INPP4A: variants seen among roughly 807,000 people sequenced by gnomAD.
INPP4A encodes inositol polyphosphate-4-phosphatase, type I, 107kD.
INPP4A carries 33 observed loss-of-function variants against 119.8 expected under a neutral mutation model. The observed-to-expected ratio is 0.28, with a 90% CI of 0.21 to 0.37. The LOEUF is 0.37. Ranked by LOEUF, INPP4A falls within the 10% of genes least tolerant of loss-of-function variation. The pLI is 1.00. For synonymous variants in INPP4A, 496 were observed against 500.7 expected, an observed-to-expected ratio of 0.99 and a Z score of 0.12; for missense variants, 956 against 1,289.9, an observed-to-expected ratio of 0.74 and a Z score of 3.97.
At chr2:98,512,926 C>T (rs1424102806) in intron 1 of INPP4A, among the ~76,000 whole-genome samples, 3 of 152,174 alleles carry the variant, frequency 2.0e-5, no homozygotes, top group African/African-American at 7.2e-5. Flanking sequence ...TAGTTAATAC[C>T]TGGGCCTTTG....
chr2:98,563,548 A>G lies in INPP4A; in HGVS notation c.1939A>G (p.Met647Val). Residue 647 changes from methionine (M) to valine (V), a missense_variant, in exon 18 of 25, where the codon ATG (methionine) becomes GTG (valine). This residue lies in a region of INPP4A where 304 missense variants were observed against 492.1 expected (regional missense o/e 0.62). Coordinates refer to ENST00000409851, the MANE Select transcript of INPP4A (RefSeq NM_001134225.2). ...GATGAGTGACAAGGCCAAGAAGGCC[A>G]TGGTATTCCTGCTCATGCAGGACAG... is the stretch of plus-strand genomic sequence containing the variant. ...AMMSDKAKKA[M>V]VFLLMQDSAP... The G allele has an allele frequency of 6.2e-7, 1 of 1,613,992 alleles. No individual in the cohort carries two copies.
intron 13 of INPP4A, among the ~76,000 whole-genome samples, chr2:98,548,789 A>G (rs144664741): frequency 1.8e-4 from 27 of 152,318 alleles, no homozygotes; most frequent in African/African-American, 6.3e-4. Flanking sequence ...GCTCTAAGGA[A>G]TAAGCACATT....
chr2:98,499,880 G>A (rs560131745), intron 1 of INPP4A, among the ~76,000 whole-genome samples: 1 of 152,294 alleles, frequency 6.6e-6, no homozygotes, highest in African/African-American at 2.4e-5. Flanking sequence ...GTAGGGGAGG[G>A]TGCAAGTGTC....
intron 21 of INPP4A, 73 bp from the exon 22 acceptor site, chr2:98,568,498 T>G: frequency 1.4e-6 from 1 of 716,546 alleles, no homozygotes; most frequent in Non-Finnish European, 2.5e-6. Flanking sequence ...CATAGTTAGC[T>G]TCCATGCAGT....
intron 13 of INPP4A, among the ~76,000 whole-genome samples, chr2:98,550,290 G>A (rs1218142768): frequency 6.6e-6 from 1 of 152,106 alleles, no homozygotes; most frequent in East Asian, 1.9e-4. Context: ...GTCCCTGCCT[G>A]GAGACTGTGA....
chr2:98,565,807 T>C (rs1696329986), intron 20 of INPP4A, 41 bp downstream of exon 20: 2 of 1,594,762 alleles, frequency 1.3e-6, no homozygotes, highest in South Asian at 2.3e-5. Context: ...AGAGAGCGGT[T>C]TTCATTTTTG....
intron 1 of INPP4A, among the ~76,000 whole-genome samples, chr2:98,498,368 T>C (rs112036034): frequency 0.028 from 4,334 of 152,200 alleles, 226 homozygotes; most frequent in African/African-American, 0.099. Flanking sequence ...CGATGTAAGA[T>C]GTGCCTTTTG....
chr2:98,501,972 C>T lies in INPP4A; in HGVS notation c.-165-16992C>T, dbSNP rs149644455. On this transcript the variant is annotated intron_variant, in intron 1 of 24. Coordinates refer to ENST00000409851, the MANE Select transcript of INPP4A (RefSeq NM_001134225.2). ...CCTGTGCAGGTTTCTCTGACTGATC[C>T]TGTGGGTATCTATGACCTCAGTTAT... is the stretch of plus-strand genomic sequence containing the variant. 6.8e-4 allele frequency among the ~76,000 whole-genome samples: 103 copies of T among 152,346 alleles called. 2 individuals are homozygous for T. In the East Asian group the frequency reaches 0.01, roughly 15 times the overall value.
intron 16 of INPP4A, among the ~76,000 whole-genome samples, chr2:98,559,059 T>C (rs1694990706): frequency 6.6e-6 from 1 of 152,200 alleles, no homozygotes; most frequent in African/African-American, 2.4e-5. Flanking sequence ...TACTGGTCAG[T>C]CTCTCTCCTT....
chr2:98,487,768 A>G (rs550450347), intron 1 of INPP4A, among the ~76,000 whole-genome samples: 2 of 152,356 alleles, frequency 1.3e-5, no homozygotes, highest in South Asian at 4.1e-4. Flanking sequence ...CATTGTTTTG[A>G]GAGACAGTTC....
At position 98,519,199 on chromosome 2, in the gene INPP4A, C is replaced by G. The variant is rs879931831; in HGVS notation, c.-104+174C>G. 2.6e-4 allele frequency: 40 copies of G among 152,340 alleles called. 1 individual carries two copies. Among genetic ancestry groups the G allele is most frequent in the Admixed American group, 2.2e-3 (34 of 15,308 alleles). The allele number at this position is 152,340 out of a possible 1,614,324, so 9.4% of individuals were successfully genotyped here. A position where few individuals can be genotyped will look rare whatever the true frequency, so the allele number is the denominator to read the frequency against. On this transcript the variant is annotated intron_variant, in intron 2 of 24. Coordinates refer to ENST00000409851, the MANE Select transcript of INPP4A (RefSeq NM_001134225.2). The stretch of plus-strand genomic sequence containing the variant: ...TTATCTTAACTTGTAAAGGTTGGTT[C>G]TTTCTAGAGACAGCAGGAGTTGTAG...
intron 1 of INPP4A, among the ~76,000 whole-genome samples, chr2:98,453,138 C>T (rs867915821): frequency 6.6e-6 from 1 of 152,266 alleles, no homozygotes; most frequent in African/African-American, 2.4e-5. Context: ...CCCACTTTTC[C>T]GAATTTTTCC....
intron 4 of INPP4A, among the ~76,000 whole-genome samples, chr2:98,528,542 A>G (rs943369121): frequency 6.6e-6 from 1 of 152,214 alleles, no homozygotes; most frequent in African/African-American, 2.4e-5. Context: ...ACATGAATCT[A>G]CATATCCAGG....
chr2:98,576,915 C>T (rs1381061788), intron 23 of INPP4A, 74 bp from the exon 24 acceptor site: 3 of 1,533,270 alleles, frequency 2.0e-6, no homozygotes, highest in Non-Finnish European at 1.8e-6. Context: ...GGTTGGGAGC[C>T]TTTCCTGTGT....
intron 4 of INPP4A, among the ~76,000 whole-genome samples, chr2:98,529,214 C>G (rs533531561): frequency 4.7e-4 from 72 of 152,014 alleles, no homozygotes; most frequent in Non-Finnish European, 9.7e-4. Context: ...TATGGATAAA[C>G]CTTTATAATG....
In INPP4A at chr2:98,555,606, G is replaced by A. The variant is rs772139975; in HGVS notation, c.1620G>A (p.Val540=). The change falls in exon 16 of 25, where the codon GTG becomes GTA. Residue 540 remains valine (V), a synonymous_variant. Transcript: ENST00000409851. ...DKSLECIIQR[V]DKLLQKERLH... Reference sequence around the variant, plus strand: ...GCCTAGAGTGCATCATTCAGCGTGTGGACAAGCTGCTGCAGAAGGAGCGGC... The same window carrying A: ...GCCTAGAGTGCATCATTCAGCGTGTAGACAAGCTGCTGCAGAAGGAGCGGC... The A allele has an allele frequency of 6.2e-7, 1 of 1,613,890 alleles. No homozygotes were observed. The highest frequency in any genetic ancestry group is 1.1e-5 in the South Asian group (1 of 91,078).
intron 1 of INPP4A, among the ~76,000 whole-genome samples, chr2:98,484,156 G>A (rs1344431231): frequency 6.6e-6 from 1 of 151,992 alleles, no homozygotes; most frequent in Non-Finnish European, 1.5e-5. Context: ...GTTACCCCTG[G>A]CCCCAGAGGT....
At chr2:98,520,303 C>A in intron 3 of INPP4A, 149 bp downstream of exon 3, 1 of 657,588 alleles carries the variant, frequency 1.5e-6, no homozygotes, top group Non-Finnish European at 2.6e-6. Flanking sequence ...CTGGTTGAAC[C>A]AGGAAATAGG....
chr2:98,493,819 GT>G (rs1177275517), intron 1 of INPP4A, among the ~76,000 whole-genome samples: 1 of 152,152 alleles, frequency 6.6e-6, no homozygotes, highest in African/African-American at 2.4e-5. Context: ...GGAACTTTGA[GT>G]ATAACATTTT....
Sources: allele counts gnomAD v4.1 joint callset (sites outside exome capture counted in the v4.1 genomes callset), GRCh38; gene constraint gnomAD v4.1.1; regional missense constraint gnomAD v4.1.1; transcripts MANE v1.5; gene names NCBI Gene and HGNC (gene_info 2026-07-23, HGNC 2026-07-21).